GHSR: variants seen among roughly 807,000 people sequenced by gnomAD.
The protein encoded by GHSR is growth hormone secretagogue receptor.
GHSR carries 17 observed loss-of-function variants against 24.0 expected under a neutral mutation model. That is an observed-to-expected ratio of 0.71 (90% confidence interval 0.49 to 1.06). The LOEUF (loss-of-function observed/expected upper bound fraction) is 1.06, where lower values mean the gene tolerates loss of function less well. Ranked by LOEUF, GHSR falls within the 50% of genes least tolerant of loss-of-function variation. The pLI, the probability that GHSR is intolerant of heterozygous loss-of-function variation, is 0.00. For missense variants in GHSR, 504 were observed against 483.1 expected (o/e 1.04, Z -0.41); for synonymous variants, 238 against 208.1 (o/e 1.14, Z -1.24).
rs1737527062 is a variant in GHSR, at chr3:172,448,145, A to G, written c.269T>C (p.Leu90Pro). 6.2e-7 allele frequency: 1 copy of G among 1,614,118 alleles called. No individual in the cohort carries two copies. Among genetic ancestry groups the G allele is most frequent in the Admixed American group, 1.7e-5 (1 of 60,010 alleles). ...CAGGGGCATGCAGAGGAAGATGAGC[A>G]GATCGGAGAAGGCCATGCTGGACAG... is the stretch of plus-strand genomic sequence containing the variant. ...LYLSSMAFSD[L>P]LIFLCMPLDL... The change falls in exon 1 of 2, where the codon CTG becomes CCG. Residue 90 changes from leucine (L) to proline (P), a missense_variant. Coordinates refer to ENST00000241256, the MANE Select transcript of GHSR (RefSeq NM_198407.2). This position sits in a 1 kb window ranked among gnomAD's most constrained non-coding sequence, Gnocchi z 4.8.
At chr3:172,446,588 C>T in intron 1 of GHSR, among the ~76,000 whole-genome samples, 1 of 152,156 alleles carries the variant, frequency 6.6e-6, no homozygotes, top group East Asian at 1.9e-4. Flanking sequence ...GAAGTCTTGA[C>T]TATAATATCT....
chr3:172,445,057 T>C lies in GHSR; in HGVS notation c.*104A>G. ...CCTCCCAGATGTTTCTGGATCTATG[T>C]GTTCCTAATTCCAAAATTAACCTTC... On this transcript the variant is annotated 3_prime_UTR_variant, in exon 2 of 2. Coordinates refer to ENST00000241256, the MANE Select transcript of GHSR (RefSeq NM_198407.2). 1.6e-6 allele frequency: 2 copies of C among 1,247,628 alleles called. No individual in the cohort carries two copies. The highest frequency in any genetic ancestry group is 1.7e-5 in the Admixed American group (1 of 58,750). 77.3% of individuals were successfully genotyped at this position (1,247,628 alleles called of 1,614,324 possible).
At position 172,445,334 on chromosome 3, in the gene GHSR, C is replaced by A. The variant is rs773690458; in HGVS notation, c.928G>T (p.Val310Phe). 7.4e-6 allele frequency: 12 copies of A among 1,614,112 alleles called. No homozygotes were observed. Among genetic ancestry groups the A allele is most frequent in the Non-Finnish European group, 8.5e-6 (10 of 1,180,030 alleles). ...ATGGCAGCACTGAGGTAGAAGAGGACAAAGGACACGAGGTTGCAGTACTGG... is the reference window on the plus strand; with the variant it reads ...ATGGCAGCACTGAGGTAGAAGAGGAAAAAGGACACGAGGTTGCAGTACTGG... ...ISQYCNLVSF[V>F]LFYLSAAINP... Residue 310 changes from valine to phenylalanine, a missense_variant, in exon 2 of 2, where the codon GTC becomes TTC. By Grantham distance (50) the Val-to-Phe change is conservative (BLOSUM62 -1). Transcript: ENST00000241256.
At chr3:172,447,529 A>G in intron 1 of GHSR, 89 bp downstream of exon 1, 1 of 1,567,070 alleles carries the variant, frequency 6.4e-7, no homozygotes, top group Non-Finnish European at 8.7e-7. Context: ...CTCAGGGGGA[A>G]ATAGAGATGG....
Position 172,448,004 on chromosome 3 carries a change from A to C in GHSR, c.410T>G (p.Leu137Arg). The part of the protein sequence containing the change: ...TYATVLTITA[L>R]SVERYFAICF... ...GATGGCGAAGTAGCGCTCGACGCTC[A>C]GCGCTGTGATGGTGAGCACCGTGGC... The change falls in exon 1 of 2, where the codon CTG becomes CGG. Residue 137 changes from leucine (L) to arginine (R), a missense_variant. Leu to Arg is a moderately radical substitution (Grantham distance 102, BLOSUM62 -2). Transcript: ENST00000241256. The surrounding 1 kb of genome is among the most constrained non-coding windows in gnomAD (Gnocchi z 4.8). 2 of 1,614,232 alleles carry C rather than the reference A, an allele frequency of 1.2e-6. No individual in the cohort carries two copies. Among genetic ancestry groups the C allele is most frequent in the South Asian group, 2.2e-5 (2 of 91,090 alleles).
rs1244263029 is a variant in GHSR, at chr3:172,443,789, T to C, written c.*1372A>G. On this transcript the variant is annotated 3_prime_UTR_variant, in exon 2 of 2. Transcript: ENST00000241256. ...GGGTCTGGAAGTCCAAGTAATCATA[T>C]CTATCAGATAAGCAATGGGATATAA... is the stretch of plus-strand genomic sequence containing the variant. Among the ~76,000 whole-genome samples the C allele has an allele frequency of 1.3e-5, 2 of 152,206 alleles. No individual in the cohort carries two copies. Among genetic ancestry groups the C allele is most frequent in the African/African-American group, 4.8e-5 (2 of 41,460 alleles).
At position 172,444,491 on chromosome 3, in the gene GHSR, T is replaced by A. The variant is rs1266900185; in HGVS notation, c.*670A>T. Among the ~76,000 whole-genome samples the A allele has an allele frequency of 6.6e-6, 1 of 152,184 alleles. No homozygotes were observed. The highest frequency in any genetic ancestry group is 1.5e-5 in the Non-Finnish European group (1 of 68,022). On this transcript the variant is annotated 3_prime_UTR_variant, in exon 2 of 2. Transcript: ENST00000241256. ...GTTACTGGAAAACTTTTAAGTGTGC[T>A]TAGACAACTTAGATTGTTGAATCTA...
rs1367717041 is a variant in GHSR at position 172,444,041 on chromosome 3, A to G, written c.*1120T>C. On this transcript the variant is annotated 3_prime_UTR_variant, in exon 2 of 2. Transcript: ENST00000241256. ...TCCCTTATTCACAAATCGAAGCCTT[A>G]TAATTGACTTCAAAATTTTTGTTAA... Among the ~76,000 whole-genome samples, 1 of 152,220 alleles carries G rather than the reference A, an allele frequency of 6.6e-6. No homozygotes were observed. Among genetic ancestry groups the G allele is most frequent in the Non-Finnish European group, 1.5e-5 (1 of 68,020 alleles).
In GHSR at chr3:172,444,642, A is replaced by T. The variant is rs1037254642; in HGVS notation, c.*519T>A. 1.3e-5 allele frequency among the ~76,000 whole-genome samples: 2 copies of T among 152,320 alleles called. No individual in the cohort carries two copies. The highest frequency in any genetic ancestry group is 3.9e-4 in the East Asian group (2 of 5,180). ...AGATTTCAAAGACTTAGTGTGAAAAAAAAGAATGTAAATTCCTTTTTAATA... is the reference window on the plus strand; with the variant it reads ...AGATTTCAAAGACTTAGTGTGAAAATAAAGAATGTAAATTCCTTTTTAATA... On this transcript the variant is annotated 3_prime_UTR_variant, in exon 2 of 2. Coordinates refer to ENST00000241256, the MANE Select transcript of GHSR (RefSeq NM_198407.2).
rs766366395 is a variant in GHSR, at chr3:172,448,224, T to A, written c.190A>T (p.Thr64Ser). The A allele has an allele frequency of 1.1e-5, 18 of 1,613,934 alleles. No individual in the cohort carries two copies. The Middle Eastern group carries it at 4.9e-4, about 44-fold the overall frequency. Residue 64 changes from threonine (T) to serine (S), a missense_variant, in exon 1 of 2, where the codon ACC becomes TCC. Physicochemically the swap from Thr to Ser is moderately conservative, Grantham distance 58. Coordinates refer to ENST00000241256, the MANE Select transcript of GHSR (RefSeq NM_198407.2). The surrounding 1 kb of genome is among the most constrained non-coding windows in gnomAD (Gnocchi z 4.8). ...CGGAAGCGCGACACCACCAGCATGG[T>A]GAGCAGGTTGCCAGCGATGCCCACC... ...FVVGIAGNLLTMLVVSRFREL... is the reference protein window; with the variant it reads ...FVVGIAGNLLSMLVVSRFREL...
chr3:172,445,158 A>G lies in GHSR; in HGVS notation c.*3T>C, dbSNP rs199585478. On this transcript the variant is annotated 3_prime_UTR_variant, in exon 2 of 2. Transcript: ENST00000241256. The stretch of plus-strand genomic sequence containing the variant: ...GCGGTGACTGTACTCGCAATGTGCT[A>G]GGTCATGTATTAATACTAGATTCTG... 8 of 1,613,942 alleles carry G rather than the reference A, an allele frequency of 5.0e-6. No homozygotes were observed. Among genetic ancestry groups the G allele is most frequent in the Non-Finnish European group, 6.8e-6 (8 of 1,179,894 alleles).
intron 1 of GHSR, among the ~76,000 whole-genome samples, chr3:172,446,429 G>A (rs1026476371): frequency 2.6e-5 from 4 of 152,126 alleles, no homozygotes; most frequent in East Asian, 1.9e-4. Context: ...GTCATATCAC[G>A]AGAATCACCG....
At position 172,447,892 on chromosome 3, in the gene GHSR, G is replaced by C. The variant is rs1438072685; in HGVS notation, c.522C>G (p.Ser174Arg). 1.2e-6 allele frequency: 2 copies of C among 1,612,890 alleles called. No individual in the cohort carries two copies. Among genetic ancestry groups the C allele is most frequent in the Admixed American group, 1.7e-5 (1 of 59,994 alleles). ...CGACTAGCACGAAGATGGGCCCGGC[G>C]CTGCAGAAGGCCACGGCCCAGATGA... is the stretch of plus-strand genomic sequence containing the variant. ...IFVIWAVAFCSAGPIFVLVGV... is the reference protein window; with the variant it reads ...IFVIWAVAFCRAGPIFVLVGV... Residue 174 changes from serine (S) to arginine (R), a missense_variant, in exon 1 of 2, where the codon AGC (serine) becomes AGG (arginine). Ser to Arg is a moderately radical substitution (Grantham distance 110). Coordinates refer to ENST00000241256, the MANE Select transcript of GHSR (RefSeq NM_198407.2).
rs1169799614 is a variant in GHSR at position 172,448,332 on chromosome 3, C to A, written c.82G>T (p.Asp28Tyr). 7 of 1,606,100 alleles carry A rather than the reference C, an allele frequency of 4.4e-6. No individual in the cohort carries two copies. The highest frequency in any genetic ancestry group is 5.9e-6 in the Non-Finnish European group (7 of 1,179,806). ...TGCAGCAGCTCGTCGCCCAGCGAGT[C>A]GTTGCCGGGGGAAGCATCCCAGTCC... ...DLDWDASPGNDSLGDELLQLF... is the reference protein window; with the variant it reads ...DLDWDASPGNYSLGDELLQLF... Residue 28 changes from aspartate (D) to tyrosine (Y), a missense_variant, in exon 1 of 2, where the codon GAC (aspartate) becomes TAC (tyrosine). Transcript: ENST00000241256. The surrounding 1 kb of genome is among the most constrained non-coding windows in gnomAD (Gnocchi z 4.8).
At position 172,448,306 on chromosome 3, in the gene GHSR, C is replaced by G. The variant is rs947921947; in HGVS notation, c.108G>C (p.Gln36His). The stretch of plus-strand genomic sequence containing the variant: ...CCGCCAGCAGCGGCGCGGGGAAGAG[C>G]TGCAGCAGCTCGTCGCCCAGCGAGT... ...GNDSLGDELL[Q>H]LFPAPLLAGV... Residue 36 changes from glutamine (Q) to histidine (H), a missense_variant, in exon 1 of 2, where the codon CAG (glutamine) becomes CAC (histidine). Coordinates refer to ENST00000241256, the MANE Select transcript of GHSR (RefSeq NM_198407.2). This position sits in a 1 kb window ranked among gnomAD's most constrained non-coding sequence, Gnocchi z 4.8. 4.3e-6 allele frequency: 7 copies of G among 1,610,856 alleles called. No individual in the cohort carries two copies. The Admixed American group carries it at 5.0e-5, about 12-fold the overall frequency.
At position 172,448,368 on chromosome 3, in the gene GHSR, G is replaced by A. The variant is rs1737540931; in HGVS notation, c.46C>T (p.Leu16=). The change falls in exon 1 of 2, where the codon CTG becomes TTG. Residue 16 remains leucine, a synonymous_variant. Transcript: ENST00000241256. This position sits in a 1 kb window ranked among gnomAD's most constrained non-coding sequence, Gnocchi z 4.8. The part of the protein sequence containing the change: ...PSEEPGFNLT[L]ADLDWDASPG... ...GAAGCATCCCAGTCCAGGTCGGCCA[G>A]TGTGAGGTTGAACCCCGGCTCTTCG... 1 of 1,600,470 alleles carries A rather than the reference G, an allele frequency of 6.2e-7. No individual in the cohort carries two copies. The highest frequency in any genetic ancestry group is 8.5e-7 in the Non-Finnish European group (1 of 1,179,718).
chr3:172,445,401 G>A lies in GHSR; in HGVS notation c.861C>T (p.Ser287=), dbSNP rs758150090. 6.2e-7 allele frequency: 1 copy of A among 1,614,126 alleles called. No individual in the cohort carries two copies. Among genetic ancestry groups the A allele is most frequent in the Non-Finnish European group, 8.5e-7 (1 of 1,180,042 alleles). ...LPFHVGRYLF[S]KSFEPGSLEI... Reference sequence around the variant, plus strand: ...CCAAGGAGCCAGGCTCAAAGGATTTGGAAAATAAATATCGCCCTACGTGGA... The same window carrying A: ...CCAAGGAGCCAGGCTCAAAGGATTTAGAAAATAAATATCGCCCTACGTGGA... The change falls in exon 2 of 2, where the codon TCC becomes TCT. Residue 287 remains serine, a synonymous_variant. Transcript: ENST00000241256.
rs976486097 is a variant in GHSR, at chr3:172,445,443, G to A, written c.819C>T (p.Ile273=). 6.8e-6 allele frequency: 11 copies of A among 1,612,790 alleles called. No homozygotes were observed. Among genetic ancestry groups the A allele is most frequent in the African/African-American group, 1.3e-5 (1 of 74,914 alleles). Residue 273 remains isoleucine (I), a synonymous_variant, in exon 2 of 2, where the codon ATC becomes ATT. Transcript: ENST00000241256. ...CTACGTGGAAGGGGAGCCAGCAGAG[G>A]ATGAAGGCAAACACCACTACAGCTA... The part of the protein sequence containing the change: ...KMLAVVVFAF[I]LCWLPFHVGR...
Position 172,445,253 on chromosome 3 carries a change from G to A in GHSR, c.1009C>T (p.Leu337Phe), listed in dbSNP as rs911475333. The A allele has an allele frequency of 6.2e-7, 1 of 1,614,154 alleles. No homozygotes were observed. Residue 337 changes from leucine (L) to phenylalanine (F), a missense_variant, in exon 2 of 2, where the codon CTT becomes TTT. By Grantham distance (22) the Leu-to-Phe change is conservative (BLOSUM62 0). Transcript: ENST00000241256. ...SKKYRVAVFRLLGFEPFSQRK... is the reference protein window; with the variant it reads ...SKKYRVAVFRFLGFEPFSQRK... The stretch of plus-strand genomic sequence containing the variant: ...TGGGAGAAGGGTTCGAATCCCAGAA[G>A]TCTGAACACTGCCACCCGGTACTTC...
Sources: allele counts gnomAD v4.1 joint callset (sites outside exome capture counted in the v4.1 genomes callset), GRCh38; gene constraint gnomAD v4.1.1; non-coding constraint Gnocchi (gnomAD v3.1); transcripts MANE v1.5; gene names NCBI Gene and HGNC (gene_info 2026-07-23, HGNC 2026-07-21).